COL24A1: variants seen among roughly 807,000 people sequenced by gnomAD.
COL24A1 encodes collagen type XXIV alpha 1 chain.
COL24A1 carries 224 observed loss-of-function variants against 253.9 expected under a neutral mutation model. The ratio of observed to expected loss-of-function variants is 0.88; its 90% confidence interval spans 0.79 to 0.99. The LOEUF (loss-of-function observed/expected upper bound fraction) is 0.99, where lower values mean the gene tolerates loss of function less well. COL24A1 is among the 50% of genes least tolerant of loss of function. COL24A1 has a pLI of 0.00. For synonymous variants in COL24A1, 685 were observed against 673.7 expected (o/e 1.02, Z -0.26); for missense variants, 2,131 against 2,068.5 (o/e 1.03, Z -0.59).
chr1:85,825,064 C>A (rs968016219), intron 43 of COL24A1, among the ~76,000 whole-genome samples: 1 of 144,654 alleles, frequency 6.9e-6, no homozygotes, highest in Non-Finnish European at 1.5e-5. Flanking sequence ...CCAATGCTAT[C>A]CCTCTCCCCT....
At chr1:85,815,955 G>A (rs997405669) in intron 47 of COL24A1, among the ~76,000 whole-genome samples, 3 of 151,820 alleles carry the variant, frequency 2.0e-5, no homozygotes, top group African/African-American at 7.3e-5. Context: ...ATAGAAATCT[G>A]CATAAAAATA....
intron 24 of COL24A1, among the ~76,000 whole-genome samples, chr1:85,918,784 A>G (rs957534202): frequency 1.3e-5 from 2 of 152,226 alleles, no homozygotes; most frequent in African/African-American, 4.8e-5. Flanking sequence ...ATTGTAATTT[A>G]CCACTGATCA....
At chr1:85,878,351 CT>C (rs1681431319) in intron 32 of COL24A1, among the ~76,000 whole-genome samples, 1 of 152,106 alleles carries the variant, frequency 6.6e-6, no homozygotes, top group Non-Finnish European at 1.5e-5. Context: ...TCTCGTGCAT[CT>C]TTTACAAAGA....
chr1:86,150,502 T>C (rs1439894163), intron 1 of COL24A1, among the ~76,000 whole-genome samples: 2 of 152,192 alleles, frequency 1.3e-5, no homozygotes, highest in East Asian at 3.8e-4. Flanking sequence ...TAGTTAGATG[T>C]CCAAAGAAAG....
chr1:85,865,961 A>C (rs1679743034), intron 37 of COL24A1, among the ~76,000 whole-genome samples: 1 of 152,204 alleles, frequency 6.6e-6, no homozygotes, highest in Non-Finnish European at 1.5e-5. Context: ...AGGCTTAGAA[A>C]ATAAAGAAAT....
At position 85,970,284 on chromosome 1, in the gene COL24A1, A is replaced by T; in HGVS notation, c.2419-13T>A. On this transcript the variant is annotated splice_polypyrimidine_tract_variant and intron_variant, in intron 21 of 59. Coordinates refer to ENST00000370571, the MANE Select transcript of COL24A1 (RefSeq NM_152890.7). ...GTCCTTCTTCTCCCTTAAAAAAAAA[A>T]AAAGTCAGAACATATTATGGCCTAA... is the stretch of plus-strand genomic sequence containing the variant. The T allele has an allele frequency of 6.3e-7, 1 of 1,586,566 alleles. No individual in the cohort carries two copies. Among genetic ancestry groups the T allele is most frequent in the Non-Finnish European group, 8.5e-7 (1 of 1,170,308 alleles).
chr1:86,091,336 G>A (rs767254756), intron 6 of COL24A1, among the ~76,000 whole-genome samples: 5 of 151,820 alleles, frequency 3.3e-5, no homozygotes, highest in Non-Finnish European at 7.4e-5. Flanking sequence ...TATAGTATCT[G>A]TAGAGTAATT....
chr1:85,742,141 T>TC (rs1448246956), intron 57 of COL24A1, among the ~76,000 whole-genome samples: 80 of 150,398 alleles, frequency 5.3e-4, no homozygotes, highest in Middle Eastern at 6.8e-3. Flanking sequence ...TTTTTTCTTT[T>TC]TTTTTCTTTT....
chr1:85,778,005 G>A (rs531486581), intron 52 of COL24A1, among the ~76,000 whole-genome samples: 1 of 140,500 alleles, frequency 7.1e-6, no homozygotes, highest in South Asian at 2.4e-4. Flanking sequence ...CTTGGTATAT[G>A]TGTGTATATG....
intron 45 of COL24A1, among the ~76,000 whole-genome samples, chr1:85,818,608 TA>T (rs1673286369): frequency 6.6e-6 from 1 of 152,226 alleles, no homozygotes; most frequent in Non-Finnish European, 1.5e-5. Flanking sequence ...AAAAGATATT[TA>T]TTTCCCACGG....
intron 33 of COL24A1, 33 bp from the exon 34 acceptor site, chr1:85,875,363 C>T (rs1164096997): frequency 6.4e-7 from 1 of 1,553,138 alleles, no homozygotes; most frequent in Non-Finnish European, 8.9e-7. Context: ...ATTACAAAGG[C>T]AATAGCAATC....
At chr1:85,743,504 G>GT (rs1321548365) in intron 57 of COL24A1, among the ~76,000 whole-genome samples, 1 of 151,982 alleles carries the variant, frequency 6.6e-6, no homozygotes, top group Non-Finnish European at 1.5e-5. Context: ...CTGCTGTTTT[G>GT]TTTTTCCTTA....
rs530969469 is a variant in COL24A1 at position 85,911,408 on chromosome 1, A to G, written c.2588T>C (p.Val863Ala). 5.6e-6 allele frequency: 9 copies of G among 1,612,560 alleles called. No individual in the cohort carries two copies. Among genetic ancestry groups the G allele is most frequent in the East Asian group, 2.2e-5 (1 of 44,836 alleles). Residue 863 changes from valine (V) to alanine (A), a missense_variant, in exon 25 of 60, where the codon GTT becomes GCT. By Grantham distance (64) the Val-to-Ala change is moderately conservative. Transcript: ENST00000370571. ...ETGPVGLPGE[V>A]GMTGSIGEKG... ...TTCGCCAATGCTTCCAGTCATCCCA[A>G]CTTCTCCAGGTAAGCCAACAGGTCC...
chr1:85,950,186 C>T (rs542384922), intron 24 of COL24A1, among the ~76,000 whole-genome samples: 6 of 148,890 alleles, frequency 4.0e-5, no homozygotes, highest in Admixed American at 6.7e-5. Flanking sequence ...CTCACGAACA[C>T]ATAAAAAGCA....
chr1:86,117,847 T>C (rs1001593902), intron 3 of COL24A1, among the ~76,000 whole-genome samples: 4 of 152,246 alleles, frequency 2.6e-5, no homozygotes, highest in African/African-American at 9.6e-5. Flanking sequence ...TTTGCAATCA[T>C]ACAATGTAGA....
intron 5 of COL24A1, among the ~76,000 whole-genome samples, chr1:86,093,906 CA>C (rs1703697940): frequency 6.6e-6 from 1 of 152,070 alleles, no homozygotes; most frequent in South Asian, 2.1e-4. Context: ...CATTACTGAT[CA>C]TTAGAGAAAT....
chr1:86,010,890 C>T (rs1157560820), intron 19 of COL24A1, among the ~76,000 whole-genome samples: 1 of 152,066 alleles, frequency 6.6e-6, no homozygotes, highest in Non-Finnish European at 1.5e-5. Flanking sequence ...TAAGAAAATA[C>T]ACATACATCT....
chr1:85,996,586 A>C (rs754813042), intron 19 of COL24A1, among the ~76,000 whole-genome samples: 1 of 152,068 alleles, frequency 6.6e-6, no homozygotes, highest in Non-Finnish European at 1.5e-5. Flanking sequence ...CAGTGAGCTG[A>C]GATGGCGCCA....
At chr1:85,890,260 T>C (rs1327541753) in intron 31 of COL24A1, among the ~76,000 whole-genome samples, 5 of 152,188 alleles carry the variant, frequency 3.3e-5, no homozygotes, top group Admixed American at 6.5e-5. Context: ...GGTATCTACC[T>C]AGAAGTGGAA....
Sources: allele counts gnomAD v4.1 joint callset (sites outside exome capture counted in the v4.1 genomes callset), GRCh38; gene constraint gnomAD v4.1.1; transcripts MANE v1.5; gene names NCBI Gene and HGNC (gene_info 2026-07-23, HGNC 2026-07-21).